The following ARID5B variants were observed in gnomAD, a reference collection of about 807,000 sequenced individuals.
ARID5B encodes the protein AT-rich interactive domain-containing protein 5B.
A neutral mutation model predicts 97.2 loss-of-function variants in ARID5B; 13 were observed. That is an observed-to-expected ratio of 0.13 (90% confidence interval 0.09 to 0.21). The LOEUF (loss-of-function observed/expected upper bound fraction) is 0.21. Ranked by LOEUF, ARID5B falls within the 10% of genes least tolerant of loss-of-function variation. The pLI is 1.00. For missense variants in ARID5B, 1,210 were observed against 1,465.3 expected (o/e 0.83, Z 2.84); for synonymous variants, 556 against 570.3 (o/e 0.97, Z 0.36).
intron 3 of ARID5B, among the ~76,000 whole-genome samples, chr10:61,961,099 G>A: frequency 6.6e-6 from 1 of 152,156 alleles, no homozygotes; most frequent in East Asian, 1.9e-4. Context: ...GGATATCCTA[G>A]ACTTTAGTCA....
intron 9 of ARID5B, 129 bp from the exon 10 acceptor site, chr10:62,090,733 C>T (rs1840356844): frequency 8.4e-7 from 1 of 1,195,534 alleles, no homozygotes; most frequent in South Asian, 1.7e-5. Flanking sequence ...TAAAGCTTTA[C>T]AGAAACTTCA....
chr10:62,073,665 C>T (rs1027294157), intron 8 of ARID5B, among the ~76,000 whole-genome samples: 1 of 152,206 alleles, frequency 6.6e-6, no homozygotes, highest in Non-Finnish European at 1.5e-5. Flanking sequence ...GGCCATAGTC[C>T]ATTAGTACTG....
At chr10:62,084,007 T>C (rs1457908231) in intron 8 of ARID5B, among the ~76,000 whole-genome samples, 1 of 152,212 alleles carries the variant, frequency 6.6e-6, no homozygotes, top group African/African-American at 2.4e-5. Flanking sequence ...CATATATTAT[T>C]TTAGTAAGTC....
intron 3 of ARID5B, among the ~76,000 whole-genome samples, chr10:61,952,366 A>C (rs955108736): frequency 3.9e-5 from 6 of 152,188 alleles, no homozygotes; most frequent in Non-Finnish European, 7.3e-5. Context: ...TTGAGCTCTT[A>C]TCTTATCACA....
intron 3 of ARID5B, among the ~76,000 whole-genome samples, chr10:61,970,223 A>G (rs1403202812): frequency 6.6e-6 from 1 of 152,260 alleles, no homozygotes; most frequent in Non-Finnish European, 1.5e-5. Context: ...ATTGACTTTG[A>G]GAACAAGAAT....
intron 3 of ARID5B, among the ~76,000 whole-genome samples, chr10:61,970,597 G>A (rs1348634316): frequency 1.3e-5 from 2 of 152,154 alleles, no homozygotes; most frequent in Non-Finnish European, 2.9e-5. Context: ...TTAATTAAAT[G>A]GAAACTGCTG....
In ARID5B at chr10:61,916,598, A is replaced by G. The variant is rs865855745; in HGVS notation, c.276+14185A>G. ...GGGAGGGTAATTTGAAAGGTTAGGTAACTTGTCCGGGTTTCCAAATTCACT... is the reference window on the plus strand; with the variant it reads ...GGGAGGGTAATTTGAAAGGTTAGGTGACTTGTCCGGGTTTCCAAATTCACT... On this transcript the variant is annotated intron_variant, in intron 2 of 9. Coordinates refer to ENST00000279873, the MANE Select transcript of ARID5B (RefSeq NM_032199.3). Among the ~76,000 whole-genome samples, 2 of 152,180 alleles carry G rather than the reference A, an allele frequency of 1.3e-5. 1 individual carries two copies. Among genetic ancestry groups the G allele is most frequent in the South Asian group, 4.1e-4 (2 of 4,822 alleles).
At chr10:62,089,953 A>T (rs1433826043) in intron 9 of ARID5B, among the ~76,000 whole-genome samples, 2 of 152,334 alleles carry the variant, frequency 1.3e-5, no homozygotes, top group African/African-American at 2.4e-5. Flanking sequence ...AGGGCTTGTC[A>T]GTCAGCTGGG....
intron 8 of ARID5B, among the ~76,000 whole-genome samples, chr10:62,083,615 G>A (rs1358350792): frequency 6.6e-6 from 1 of 152,198 alleles, no homozygotes; most frequent in Non-Finnish European, 1.5e-5. Context: ...GGTGGTACCA[G>A]CAAATTGCTA....
At chr10:61,924,008 G>T (rs1360358556) in intron 2 of ARID5B, among the ~76,000 whole-genome samples, 3 of 152,206 alleles carry the variant, frequency 2.0e-5, no homozygotes, top group Non-Finnish European at 2.9e-5. Context: ...ACTCCTCCTG[G>T]ATTCCCTCCT....
At chr10:61,934,710 A>G (rs990133054) in intron 2 of ARID5B, among the ~76,000 whole-genome samples, 2 of 152,144 alleles carry the variant, frequency 1.3e-5, no homozygotes, top group Admixed American at 1.3e-4. Context: ...CAATTACAAT[A>G]GTAATATTAA....
rs149025306 is a variant in ARID5B, at chr10:62,092,164, A to G, written c.2701A>G (p.Thr901Ala). 94 of 1,609,246 alleles carry G rather than the reference A, an allele frequency of 5.8e-5. No homozygotes were observed. In the African/African-American group the frequency reaches 1.2e-3, roughly 20 times the overall value. ...DKKSAAAEAP[T>A]DDQPTDLSLP... ...AAAGTCGGCGGCAGCAGAAGCCCCT[A>G]CGGATGATCAGCCTACAGATCTGAG... Residue 901 changes from threonine (T) to alanine (A), a missense_variant, in exon 10 of 10, where the codon ACG (threonine) becomes GCG (alanine). Around this residue, in one of 8 missense-constraint regions of ARID5B, gnomAD observed 800 missense variants for 839.1 expected, o/e 0.95. Coordinates refer to ENST00000279873, the MANE Select transcript of ARID5B (RefSeq NM_032199.3).
intron 2 of ARID5B, among the ~76,000 whole-genome samples, chr10:61,904,536 A>G (rs1264079915): frequency 1.3e-5 from 2 of 152,242 alleles, no homozygotes; most frequent in South Asian, 2.1e-4. Flanking sequence ...TCACTGCTAT[A>G]TGAGCCATAC....
intron 4 of ARID5B, among the ~76,000 whole-genome samples, chr10:62,013,570 C>T (rs1839244288): frequency 6.6e-6 from 1 of 151,934 alleles, no homozygotes; most frequent in East Asian, 1.9e-4. Flanking sequence ...CCTTGAGCAA[C>T]ATCTCCCCAA....
intron 4 of ARID5B, among the ~76,000 whole-genome samples, chr10:62,015,579 G>A (rs1209285985): frequency 6.6e-6 from 1 of 152,074 alleles, no homozygotes. Context: ...ATTCACCTGC[G>A]TAGTCTTTGC....
chr10:61,967,652 T>C (rs1166700965), intron 3 of ARID5B, among the ~76,000 whole-genome samples: 1 of 152,256 alleles, frequency 6.6e-6, no homozygotes, highest in Non-Finnish European at 1.5e-5. Flanking sequence ...TTGTACTGTG[T>C]AGACAAACTG....
intron 4 of ARID5B, among the ~76,000 whole-genome samples, chr10:62,030,445 A>G (rs1286501576): frequency 2.0e-5 from 3 of 151,976 alleles, no homozygotes; most frequent in African/African-American, 4.8e-5. Flanking sequence ...CAGGTATTTT[A>G]AGTAAGGAAC....
Position 62,091,280 on chromosome 10 carries a change from C to A in ARID5B, c.1817C>A (p.Ala606Glu), listed in dbSNP as rs1362151707. 6.2e-7 allele frequency: 1 copy of A among 1,614,186 alleles called. No individual in the cohort carries two copies. Among genetic ancestry groups the A allele is most frequent in the Non-Finnish European group, 8.5e-7 (1 of 1,180,032 alleles). The change falls in exon 10 of 10, where the codon GCA becomes GAA. Residue 606 changes from alanine (A) to glutamate (E), a missense_variant. Ala to Glu is a moderately radical substitution (Grantham distance 107). Transcript: ENST00000279873. ...TTCCCCACCACACAGCCACCGCTGG[C>A]AAACCAGAATGAGACGGAGGATGAC... ...PSFPTTQPPL[A>E]NQNETEDDKL... is the part of the protein sequence containing the mutation.
At position 61,944,808 on chromosome 10, in the gene ARID5B, G is replaced by A. The variant is rs555306422; in HGVS notation, c.502+4400G>A. Among the ~76,000 whole-genome samples the A allele has an allele frequency of 2.6e-5, 4 of 152,300 alleles. No homozygotes were observed. In the South Asian group the frequency reaches 8.3e-4, roughly 32 times the overall value. ...TCAATTATGCTGCCACAAACTGTCT[G>A]TGGATGGGCAGTTATGAATGGTTTC... On this transcript the variant is annotated intron_variant, in intron 3 of 9. Coordinates refer to ENST00000279873, the MANE Select transcript of ARID5B (RefSeq NM_032199.3).
Sources: allele counts gnomAD v4.1 joint callset (sites outside exome capture counted in the v4.1 genomes callset), GRCh38; gene constraint gnomAD v4.1.1; regional missense constraint gnomAD v4.1.1; transcripts MANE v1.5; gene names NCBI Gene and HGNC (gene_info 2026-07-23, HGNC 2026-07-21).